The following ANKRD65 variants were observed in gnomAD, a reference collection of about 807,000 sequenced individuals.
ANKRD65 encodes the protein ankyrin repeat domain 65.
A neutral mutation model predicts 17.2 loss-of-function variants in ANKRD65; 26 were observed. That is an observed-to-expected ratio of 1.51 (90% CI 1.11 to 2.09). The LOEUF (loss-of-function observed/expected upper bound fraction) is 2.09, where lower values mean the gene tolerates loss of function less well. ANKRD65 is among the 30% of genes most tolerant of loss of function. ANKRD65 has a pLI of 0.00. For synonymous variants in ANKRD65, 311 were observed against 272.2 expected (o/e 1.14, Z -1.40); for missense variants, 621 against 542.2 (o/e 1.15, Z -1.44).
In ANKRD65 at chr1:1,419,139, C is replaced by A. The variant is rs775898906; in HGVS notation, c.1161G>T (p.Gly387=). The part of the protein sequence containing the change: ...DLPQALPELG[G]GEKECEGIES... ...CTATGCCCTCACACTCCTTCTCCCCCCCTCCAAGTTCAGGCAGCGCCTGGG... is the reference window on the plus strand; with the variant it reads ...CTATGCCCTCACACTCCTTCTCCCCACCTCCAAGTTCAGGCAGCGCCTGGG... The change falls in exon 4 of 4, where the codon GGG becomes GGT. Residue 387 remains glycine, a synonymous_variant. Transcript: ENST00000537107. The A allele has an allele frequency of 5.9e-5, 90 of 1,533,406 alleles. No homozygotes were observed. The highest frequency in any genetic ancestry group is 9.7e-5 in the South Asian group (8 of 82,552). The allele number at this position is 1,533,406 out of a possible 1,614,324, so 95.0% of individuals were successfully genotyped here.
chr1:1,419,547 G>A lies in ANKRD65; in HGVS notation c.753C>T (p.Asp251=). The change falls in exon 4 of 4, where the codon GAC becomes GAT. Residue 251 remains aspartate, a splice_region_variant and synonymous_variant. Transcript: ENST00000537107. ...GLAAALGRSQ[D]IEVLLGHGAD... ...CCCCGTGGCCCAGCAGCACCTCAATGTCCTAGAAGAGGAGAGAAAAGCAGG... is the reference window on the plus strand; with the variant it reads ...CCCCGTGGCCCAGCAGCACCTCAATATCCTAGAAGAGGAGAGAAAAGCAGG... 3 of 1,521,758 alleles carry A rather than the reference G, an allele frequency of 2.0e-6. No individual in the cohort carries two copies. The highest frequency in any genetic ancestry group is 1.8e-6 in the Non-Finnish European group (2 of 1,135,514). 94.3% of individuals were successfully genotyped at this position (1,521,758 alleles called of 1,614,324 possible). A position where few individuals can be genotyped will look rare whatever the true frequency, so the allele number is the denominator to read the frequency against.
At position 1,419,082 on chromosome 1, in the gene ANKRD65, T is replaced by C. The variant is rs567364330; in HGVS notation, c.*18A>G. On this transcript the variant is annotated 3_prime_UTR_variant, in exon 4 of 4. Transcript: ENST00000537107. Reference sequence around the variant, plus strand: ...TGGAAATCACTGGGGCGGTGGAGCCTGGAGCCTGCTGTCTGGCTCAGCCCG... The same window carrying C: ...TGGAAATCACTGGGGCGGTGGAGCCCGGAGCCTGCTGTCTGGCTCAGCCCG... 1.0e-5 allele frequency: 15 copies of C among 1,471,140 alleles called. No homozygotes were observed. Among genetic ancestry groups the C allele is most frequent in the African/African-American group, 9.8e-5 (7 of 71,146 alleles). 91.1% of individuals were successfully genotyped at this position (1,471,140 alleles called of 1,614,324 possible). A position where few individuals can be genotyped will look rare whatever the true frequency, so the allele number is the denominator to read the frequency against.
At position 1,420,066 on chromosome 1, in the gene ANKRD65, G is replaced by T. The variant is rs183348359; in HGVS notation, c.736C>A (p.Leu246Ile). 3.1e-6 allele frequency: 4 copies of T among 1,287,796 alleles called. No homozygotes were observed. The African/African-American group carries it at 4.7e-5, about 15-fold the overall frequency. 79.8% of individuals were successfully genotyped at this position (1,287,796 alleles called of 1,614,324 possible). Residue 246 changes from leucine (L) to isoleucine (I), a missense_variant, in exon 3 of 4, where the codon CTA becomes ATA. Leu to Ile is a conservative substitution (Grantham distance 5). Coordinates refer to ENST00000537107, the MANE Select transcript of ANKRD65 (RefSeq NM_001145210.3). ...GCGGGACGTACCTGGGAGCGGCCTAGGGCGGCCGCCAGACCCAGCGCTGTG... is the reference window on the plus strand; with the variant it reads ...GCGGGACGTACCTGGGAGCGGCCTATGGCGGCCGCCAGACCCAGCGCTGTG... The part of the protein sequence containing the change: ...GATALGLAAA[L>I]GRSQDIEVLL...
In ANKRD65 at chr1:1,419,577, G is replaced by A. The variant is rs1156231074; in HGVS notation, c.751-28C>T. 22 of 1,495,632 alleles carry A rather than the reference G, an allele frequency of 1.5e-5. No individual in the cohort carries two copies. In the East Asian group the frequency reaches 1.7e-4, roughly 12 times the overall value. The allele number at this position is 1,495,632 out of a possible 1,614,324, so 92.6% of individuals were successfully genotyped here. A position where few individuals can be genotyped will look rare whatever the true frequency, so the allele number is the denominator to read the frequency against. ...AGAAGAGGAGAGAAAAGCAGGGGCCGGCCTCAGCCCGGTAGGCGAGGGGCA... is the reference window on the plus strand; with the variant it reads ...AGAAGAGGAGAGAAAAGCAGGGGCCAGCCTCAGCCCGGTAGGCGAGGGGCA... On this transcript the variant is annotated intron_variant, in intron 3 of 3. Transcript: ENST00000537107.
rs1004425758 is a variant in ANKRD65 at position 1,420,517 on chromosome 1, C to T, written c.285G>A (p.Gln95=). 1 of 1,281,396 alleles carries T rather than the reference C, an allele frequency of 7.8e-7. No individual in the cohort carries two copies. Among genetic ancestry groups the T allele is most frequent in the Middle Eastern group, 2.9e-4 (1 of 3,406 alleles). 79.4% of individuals were successfully genotyped at this position (1,281,396 alleles called of 1,614,324 possible). A position where few individuals can be genotyped will look rare whatever the true frequency, so the allele number is the denominator to read the frequency against. ...GHAPLVRLLL[Q]RGAPVGAVDR... Reference sequence around the variant, plus strand: ...CCACCGCGCCCACCGGGGCCCCTCGCTGCAGCAGGAGACGCACCAGGGGCG... The same window carrying T: ...CCACCGCGCCCACCGGGGCCCCTCGTTGCAGCAGGAGACGCACCAGGGGCG... Residue 95 remains glutamine (Q), a synonymous_variant, in exon 3 of 4, where the codon CAG becomes CAA. Transcript: ENST00000537107.
In ANKRD65 at chr1:1,421,190, T is replaced by TCTGGCC. The variant is rs1417527894; in HGVS notation, c.-64_-59dup. 2 of 615,016 alleles carry TCTGGCC rather than the reference T, an allele frequency of 3.3e-6. No individual in the cohort carries two copies. The highest frequency in any genetic ancestry group is 5.5e-5 in the East Asian group (2 of 36,182). 38.1% of individuals were successfully genotyped at this position (615,016 alleles called of 1,614,324 possible). A position where few individuals can be genotyped will look rare whatever the true frequency, so the allele number is the denominator to read the frequency against. ...GGCTGAGGGTCCTCTGTAGACGGGTTCTGGCCGAGGCTCAGCCTGGTGACC... is the reference window on the plus strand; with the variant it reads ...GGCTGAGGGTCCTCTGTAGACGGGTTCTGGCCCTGGCCGAGGCTCAGCCTGGTGACC... On this transcript the variant is annotated 5_prime_UTR_variant, in exon 1 of 4. Coordinates refer to ENST00000537107, the MANE Select transcript of ANKRD65 (RefSeq NM_001145210.3).
chr1:1,420,833 G>T lies in ANKRD65; in HGVS notation c.173C>A (p.Thr58Lys), dbSNP rs542332819. 6.5e-7 allele frequency: 1 copy of T among 1,549,002 alleles called. No homozygotes were observed. The highest frequency in any genetic ancestry group is 8.7e-7 in the Non-Finnish European group (1 of 1,146,800). ...GCTGGCACCTTGCCGCAGCAGCTGC[G>T]TCACCAGGCCTGCAGGGCCCCTCCA... ...AVWRGPAGLV[T>K]QLLRQGASVE... is the part of the protein sequence containing the mutation. The change falls in exon 2 of 4, where the codon ACG becomes AAG. Residue 58 changes from threonine (T) to lysine (K), a missense_variant. Transcript: ENST00000537107.
rs544720725 is a variant in ANKRD65 at position 1,419,399 on chromosome 1, G to A, written c.901C>T (p.Leu301=). Residue 301 remains leucine (L), a synonymous_variant, in exon 4 of 4, where the codon CTG becomes TTG. Coordinates refer to ENST00000537107, the MANE Select transcript of ANKRD65 (RefSeq NM_001145210.3). ...GCGTGATGCAGGGGTGTGAGGCCCA[G>A]GGTGTCCCGCGCATCCACCTCGGCC... ...QGAEVDARDT[L]GLTPLHHASR... The A allele has an allele frequency of 5.6e-5, 87 of 1,549,930 alleles. 1 individual carries two copies. In the African/African-American group the frequency reaches 9.8e-4, roughly 18 times the overall value.
At chr1:1,420,616 G>A in intron 2 of ANKRD65, 24 bp from the exon 3 acceptor site, 2 of 1,422,846 alleles carry the variant, frequency 1.4e-6, no homozygotes, top group Non-Finnish European at 1.8e-6. Flanking sequence ...AAGGGCGTCG[G>A]CGCGGGGGTG....
In ANKRD65 at chr1:1,420,379, G is replaced by A; in HGVS notation, c.423C>T (p.Leu141=). The stretch of plus-strand genomic sequence containing the variant: ...GGGCAGCGGCCCAGTGCAGCGGCGT[G>A]AGGCCCGTCCCGGAGCGAGCCGCCG... ...ASAAARSGTG[L]TPLHWAAALG... is the part of the protein sequence containing the mutation. The change falls in exon 3 of 4, where the codon CTC becomes CTT. Residue 141 remains leucine, a synonymous_variant. Coordinates refer to ENST00000537107, the MANE Select transcript of ANKRD65 (RefSeq NM_001145210.3). 1 of 1,293,666 alleles carries A rather than the reference G, an allele frequency of 7.7e-7. No individual in the cohort carries two copies. The highest frequency in any genetic ancestry group is 1.6e-5 in the African/African-American group (1 of 62,800). 80.1% of individuals were successfully genotyped at this position (1,293,666 alleles called of 1,614,324 possible). A position where few individuals can be genotyped will look rare whatever the true frequency, so the allele number is the denominator to read the frequency against.
rs552569099 is a variant in ANKRD65, at chr1:1,419,323, G to A, written c.977C>T (p.Ala326Val). Residue 326 changes from alanine to valine, a missense_variant, in exon 4 of 4, where the codon GCC becomes GTC. Physicochemically the swap from Ala to Val is moderately conservative, Grantham distance 64. Transcript: ENST00000537107. ...GAGCCAGCCGGTAGCATCCACCTGG[G>A]CACCCCTGTCCAGCAGGCAGCCGGC... ...EVAGCLLDRGAQVDATGWLRK... is the reference protein window; with the variant it reads ...EVAGCLLDRGVQVDATGWLRK... The A allele has an allele frequency of 6.5e-7, 1 of 1,550,386 alleles. No individual in the cohort carries two copies. Among genetic ancestry groups the A allele is most frequent in the African/African-American group, 1.4e-5 (1 of 73,160 alleles).
rs997258379 is a variant in ANKRD65 at position 1,418,742 on chromosome 1, T to C, written c.*358A>G. On this transcript the variant is annotated 3_prime_UTR_variant, in exon 4 of 4. Coordinates refer to ENST00000537107, the MANE Select transcript of ANKRD65 (RefSeq NM_001145210.3). ...TTAGGCCAGGCAGGCGCAGGCCTGG[T>C]TTCGGGCCTAGCGCCAGGCTGCCTG... 5.8e-5 allele frequency: 12 copies of C among 206,150 alleles called. No individual in the cohort carries two copies. The highest frequency in any genetic ancestry group is 9.6e-5 in the Non-Finnish European group (10 of 103,928). The allele number at this position is 206,150 out of a possible 1,614,324, so 12.8% of individuals were successfully genotyped here.
rs950480037 is a variant in ANKRD65, at chr1:1,419,282, G to A, written c.1018C>T (p.His340Tyr). Residue 340 changes from histidine (H) to tyrosine (Y), a missense_variant, in exon 4 of 4, where the codon CAC becomes TAC. Transcript: ENST00000537107. The stretch of plus-strand genomic sequence containing the variant: ...CCATGCCCTCGCTCTGCAGCCAGGT[G>A]TAGGGGGGTCTTTCGGAGCCAGCCG... Reference protein sequence around the residue: ...ATGWLRKTPLHLAAERGHGPT... With the variant: ...ATGWLRKTPLYLAAERGHGPT... 5.2e-6 allele frequency: 8 copies of A among 1,550,272 alleles called. No individual in the cohort carries two copies. The African/African-American group carries it at 9.6e-5, about 19-fold the overall frequency.
At position 1,420,110 on chromosome 1, in the gene ANKRD65, G is replaced by A; in HGVS notation, c.692C>T (p.Ala231Val). 15 of 1,268,962 alleles carry A rather than the reference G, an allele frequency of 1.2e-5. No homozygotes were observed. Among genetic ancestry groups the A allele is most frequent in the Non-Finnish European group, 1.5e-5 (15 of 1,009,234 alleles). The allele number at this position is 1,268,962 out of a possible 1,614,324, so 78.6% of individuals were successfully genotyped here. A position where few individuals can be genotyped will look rare whatever the true frequency, so the allele number is the denominator to read the frequency against. Residue 231 changes from alanine (A) to valine (V), a missense_variant, in exon 3 of 4, where the codon GCC (alanine) becomes GTC (valine). Transcript: ENST00000537107. Reference protein sequence around the residue: ...FLLARGARVDARDGAGATALG... With the variant: ...FLLARGARVDVRDGAGATALG... ...CGCTGTGGCCCCCGCGCCATCCCGG[G>A]CGTCCACCCGCGCCCCGCGCGCCAG...
chr1:1,419,594 C>T (rs1283750618), intron 3 of ANKRD65, 45 bp from the exon 4 acceptor site: 3 of 1,469,342 alleles, frequency 2.0e-6, no homozygotes, highest in Admixed American at 2.2e-5. Flanking sequence ...GCCCGGTAGG[C>T]GAGGGGCAGA....
Position 1,419,388 on chromosome 1 carries a change from T to C in ANKRD65, c.912A>G (p.Thr304=), listed in dbSNP as rs755585269. ...EVDARDTLGL[T]PLHHASREGH... The stretch of plus-strand genomic sequence containing the variant: ...CTTCCCGAGAGGCGTGATGCAGGGG[T>C]GTGAGGCCCAGGGTGTCCCGCGCAT... Residue 304 remains threonine (T), a synonymous_variant, in exon 4 of 4, where the codon ACA becomes ACG. Coordinates refer to ENST00000537107, the MANE Select transcript of ANKRD65 (RefSeq NM_001145210.3). The C allele has an allele frequency of 1.3e-6, 2 of 1,549,374 alleles. No homozygotes were observed. The highest frequency in any genetic ancestry group is 1.2e-5 in the South Asian group (1 of 83,974).
At position 1,419,504 on chromosome 1, in the gene ANKRD65, C is replaced by T. The variant is rs760197934; in HGVS notation, c.796G>A (p.Asp266Asn). Residue 266 changes from aspartate (D) to asparagine (N), a missense_variant, in exon 4 of 4, where the codon GAC becomes AAC. Coordinates refer to ENST00000537107, the MANE Select transcript of ANKRD65 (RefSeq NM_001145210.3). ...LGHGADPGIR[D>N]RHGRSALHRA... The stretch of plus-strand genomic sequence containing the variant: ...TGCAGCGCAGAGCGGCCATGCCTGT[C>T]CCTGATGCCTGGGTCTGCCCCGTGG... The T allele has an allele frequency of 1.7e-4, 256 of 1,543,258 alleles. 1 individual carries two copies. Among genetic ancestry groups the T allele is most frequent in the Middle Eastern group, 1.0e-3 (6 of 6,008 alleles).
rs1645483129 is a variant in ANKRD65, at chr1:1,418,477, C to G, written c.*623G>C. 6.6e-6 allele frequency: 1 copy of G among 152,244 alleles called. No individual in the cohort carries two copies. The highest frequency in any genetic ancestry group is 2.1e-4 in the South Asian group (1 of 4,826). 9.4% of individuals were successfully genotyped at this position (152,244 alleles called of 1,614,324 possible). On this transcript the variant is annotated 3_prime_UTR_variant, in exon 4 of 4. Transcript: ENST00000537107. ...CATCGGCAAGCTACTGCCTTAAAAT[C>G]CGAGCTCCCCAAGTGCACAATTTCT... is the stretch of plus-strand genomic sequence containing the variant.
At position 1,420,977 on chromosome 1, in the gene ANKRD65, T is replaced by C; in HGVS notation, c.29A>G (p.Glu10Gly). The C allele has an allele frequency of 1.3e-6, 2 of 1,550,472 alleles. No individual in the cohort carries two copies. The highest frequency in any genetic ancestry group is 1.7e-6 in the Non-Finnish European group (2 of 1,146,916). Reference sequence around the variant, plus strand: ...CAGTTCCTGTTCCTCCTCCTCCTCCTCTCTGGGCTCAGGCCTCTGGGAGTC... The same window carrying C: ...CAGTTCCTGTTCCTCCTCCTCCTCCCCTCTGGGCTCAGGCCTCTGGGAGTC... MDSQRPEPR[E>G]EEEEEQELRW... Residue 10 changes from glutamate (E) to glycine (G), a missense_variant, in exon 2 of 4, where the codon GAG becomes GGG. By Grantham distance (98) the Glu-to-Gly change is moderately conservative. Coordinates refer to ENST00000537107, the MANE Select transcript of ANKRD65 (RefSeq NM_001145210.3).
Sources: gnomAD v4.1 joint callset for allele counts on GRCh38, gnomAD v4.1.1 for gene constraint, MANE v1.5 for transcripts, NCBI Gene and HGNC (gene_info 2026-07-23, HGNC 2026-07-21) for gene names.